Variants in KIZ observed in about 807,000 individuals in gnomAD.
KIZ encodes the protein kizuna centrosomal protein.
KIZ carries 68 observed loss-of-function variants against 79.6 expected under a neutral mutation model. The ratio of observed to expected loss-of-function variants is 0.85; its 90% confidence interval spans 0.70 to 1.05. The LOEUF (loss-of-function observed/expected upper bound fraction) is 1.05, where lower values mean the gene tolerates loss of function less well. Among genes scored for constraint, KIZ ranks in the 50% least tolerant of loss-of-function variants. The pLI, the probability that KIZ is intolerant of heterozygous loss-of-function variation, is 0.00. For missense variants in KIZ, 797 were observed against 800.4 expected, an observed-to-expected ratio of 1.00 and a Z score of 0.05; for synonymous variants, 280 against 281.8, an observed-to-expected ratio of 0.99 and a Z score of 0.06.
intron 6 of KIZ, among the ~76,000 whole-genome samples, chr20:21,186,874 C>T (rs980508544): frequency 6.6e-6 from 1 of 151,962 alleles, no homozygotes; most frequent in Non-Finnish European, 1.5e-5. Flanking sequence ...TTTCATTTTT[C>T]TTATTTCTTC....
intron 7 of KIZ, among the ~76,000 whole-genome samples, chr20:21,211,915 C>T (rs1465334213): frequency 6.6e-6 from 1 of 152,114 alleles, no homozygotes; most frequent in Non-Finnish European, 1.5e-5. Context: ...ATGGTGAAAC[C>T]CCGTCTCTAC....
intron 4 of KIZ, among the ~76,000 whole-genome samples, chr20:21,147,084 A>G (rs2032885959): frequency 6.6e-6 from 1 of 152,194 alleles, no homozygotes; most frequent in African/African-American, 2.4e-5. Context: ...CATTCTTGAT[A>G]GACATATTCT....
chr20:21,176,904 C>T (rs997756430), intron 6 of KIZ, among the ~76,000 whole-genome samples: 2 of 152,192 alleles, frequency 1.3e-5, no homozygotes, highest in African/African-American at 4.8e-5. Flanking sequence ...ATGTTGTCTT[C>T]AGAATTCATC....
intron 4 of KIZ, among the ~76,000 whole-genome samples, chr20:21,156,961 AATT>A (rs1394991368): frequency 1.3e-5 from 2 of 152,132 alleles, no homozygotes; most frequent in African/African-American, 2.4e-5. Flanking sequence ...GTAAGTGTAA[AATT>A]ATATCAAAGT....
chr20:21,181,130 ATGGCCCGTATC>A (rs1164343183), intron 6 of KIZ, among the ~76,000 whole-genome samples: 4 of 152,250 alleles, frequency 2.6e-5, no homozygotes, highest in Non-Finnish European at 4.4e-5. Context: ...ATAAGCAAGC[ATGGCCCGTATC>A]TGGGAACTAT....
chr20:21,228,442 C>A (rs1480378954), intron 9 of KIZ, among the ~76,000 whole-genome samples: 2 of 152,164 alleles, frequency 1.3e-5, no homozygotes, highest in Non-Finnish European at 2.9e-5. Flanking sequence ...TGCCACTGAT[C>A]CCTGTGGACA....
chr20:21,202,237 A>G (rs545016444), intron 6 of KIZ: 1 of 152,316 alleles, frequency 6.6e-6, no homozygotes, highest in South Asian at 2.1e-4. Flanking sequence ...TTAGCTATTT[A>G]ACTAATTTAA....
chr20:21,138,074 A>T (rs1441768235), intron 3 of KIZ, among the ~76,000 whole-genome samples: 1 of 96,620 alleles, frequency 1.0e-5, no homozygotes, highest in African/African-American at 3.0e-5. Context: ...ACCCAGACAT[A>T]ATATTTAATT....
intron 9 of KIZ, among the ~76,000 whole-genome samples, chr20:21,226,795 C>G (rs2036670187): frequency 6.6e-6 from 1 of 152,196 alleles, no homozygotes; most frequent in Non-Finnish European, 1.5e-5. Context: ...CTTTAGGACT[C>G]AGGTCAGGGC....
intron 10 of KIZ, among the ~76,000 whole-genome samples, chr20:21,229,690 T>C (rs1031331743): frequency 1.3e-5 from 2 of 152,122 alleles, no homozygotes; most frequent in African/African-American, 2.4e-5. Context: ...TCTTCCCTCC[T>C]CAGCCTCCCA....
intron 3 of KIZ, among the ~76,000 whole-genome samples, chr20:21,142,572 T>C (rs1436566164): frequency 6.6e-6 from 1 of 152,056 alleles, no homozygotes; most frequent in Non-Finnish European, 1.5e-5. Context: ...TATAATGTCA[T>C]TATTTAAAGA....
rs367851420 is a variant in KIZ, at chr20:21,165,571, T to A, written c.1352+2412T>A. 1.1e-4 allele frequency among the ~76,000 whole-genome samples: 16 copies of A among 152,306 alleles called. No homozygotes were observed. In the South Asian group the frequency reaches 3.3e-3, roughly 32 times the overall value. On this transcript the variant is annotated intron_variant, in intron 6 of 12. Transcript: ENST00000619189. ...ATTTAGGAGGATTAACCTGACAGCA[T>A]TAGTTCATTAGGATTAATCATCCAT...
chr20:21,206,428 G>A (rs556340909), intron 7 of KIZ, among the ~76,000 whole-genome samples: 1 of 152,282 alleles, frequency 6.6e-6, no homozygotes, highest in South Asian at 2.1e-4. Flanking sequence ...ACAGTGGCAT[G>A]AGAGGTGATC....
At chr20:21,145,537 C>G (rs1020026832) in intron 3 of KIZ, 28 bp from the exon 4 acceptor site, 4 of 1,140,240 alleles carry the variant, frequency 3.5e-6, no homozygotes, top group Non-Finnish European at 5.0e-6. Flanking sequence ...AAATATTTAT[C>G]ACAAAATCAA....
chr20:21,214,724 C>T (rs563687955), intron 8 of KIZ, 24 bp downstream of exon 8: 1 of 1,569,092 alleles, frequency 6.4e-7, no homozygotes, highest in Non-Finnish European at 8.8e-7. Flanking sequence ...AAGTGTGTGT[C>T]CACAGCAAAA....
chr20:21,137,982 G>A (rs1351884799), intron 3 of KIZ, among the ~76,000 whole-genome samples: 1 of 152,042 alleles, frequency 6.6e-6, no homozygotes, highest in East Asian at 1.9e-4. Flanking sequence ...ATGTTGCCCA[G>A]GCTGGTCTCG....
chr20:21,127,223 C>T (rs1036588064), intron 1 of KIZ, among the ~76,000 whole-genome samples: 1 of 152,160 alleles, frequency 6.6e-6, no homozygotes, highest in African/African-American at 2.4e-5. Context: ...ACCTTGTACT[C>T]CTTTTCTACG....
Position 21,246,547 on chromosome 20 carries a change from A to G in KIZ, c.1993A>G (p.Thr665Ala), listed in dbSNP as rs746639494. The change falls in exon 13 of 13, where the codon ACC (threonine) becomes GCC (alanine). Residue 665 changes from threonine to alanine, a missense_variant. Transcript: ENST00000619189. ...TGCTTTACGCCCCAGAAACCATAAC[A>G]CCGATGATTCTGATGATTTTTATGA... ...EAALRPRNHN[T>A]DDSDDFYD is the part of the protein sequence containing the mutation. 4 of 1,609,042 alleles carry G rather than the reference A, an allele frequency of 2.5e-6. No individual in the cohort carries two copies. The East Asian group carries it at 6.7e-5, about 27-fold the overall frequency.
intron 6 of KIZ, among the ~76,000 whole-genome samples, chr20:21,168,173 T>C (rs2034036799): frequency 6.6e-6 from 1 of 152,188 alleles, no homozygotes; most frequent in South Asian, 2.1e-4. Flanking sequence ...ATGCGGTGTT[T>C]GGTTTTTTGT....
Sources: allele counts gnomAD v4.1 joint callset (sites outside exome capture counted in the v4.1 genomes callset), GRCh38; gene constraint gnomAD v4.1.1; transcripts MANE v1.5; gene names NCBI Gene and HGNC (gene_info 2026-07-23, HGNC 2026-07-21).